CEP72: variants seen among roughly 807,000 people sequenced by gnomAD.
CEP72 encodes centrosomal protein 72.
In CEP72, 78 loss-of-function variants were observed where a neutral mutation model predicts 65.7. The observed-to-expected ratio is 1.19, with a 90% CI of 0.99 to 1.43. CEP72 has a LOEUF of 1.43. Among genes scored for constraint, CEP72 ranks in the 40% most tolerant of loss-of-function variants. CEP72 has a pLI of 0.00. For synonymous variants in CEP72, 358 were observed against 351.7 expected, an observed-to-expected ratio of 1.02 and a Z score of -0.20; for missense variants, 914 against 832.9, an observed-to-expected ratio of 1.10 and a Z score of -1.20.
chr5:651,936 C>G (rs1231834828), intron 11 of CEP72, among the ~76,000 whole-genome samples: 1 of 152,074 alleles, frequency 6.6e-6, no homozygotes, highest in Admixed American at 6.6e-5. Context: ...TGGTCATAGG[C>G]GTAGCCAGGC....
intron 1 of CEP72, among the ~76,000 whole-genome samples, chr5:617,923 T>C (rs751519819): frequency 2.0e-4 from 30 of 152,242 alleles, no homozygotes; most frequent in Non-Finnish European, 4.0e-4. Context: ...CAGGAAAGTA[T>C]TGATGTATTC....
At chr5:652,910 G>A (rs1226337303) in intron 11 of CEP72, 78 bp from the exon 12 acceptor site, 3 of 1,432,844 alleles carry the variant, frequency 2.1e-6, no homozygotes, top group Non-Finnish European at 2.8e-6. Context: ...GCAGGGAGGT[G>A]GGCAGGCCCA....
At chr5:637,399 CGT>C (rs1266395423) in intron 6 of CEP72, 116 bp from the exon 7 acceptor site, 1 of 800,886 alleles carries the variant, frequency 1.2e-6, no homozygotes, top group Non-Finnish European at 2.1e-6. Context: ...TGTAAGTGTG[CGT>C]GTGTGTCCAT....
rs1454666163 is a variant in CEP72 at position 637,528 on chromosome 5, A to G, written c.916A>G (p.Thr306Ala). The change falls in exon 7 of 12, where the codon ACC (threonine) becomes GCC (alanine). Residue 306 changes from threonine (T) to alanine (A), a missense_variant. Coordinates refer to ENST00000264935, the MANE Select transcript of CEP72 (RefSeq NM_018140.4). The stretch of plus-strand genomic sequence containing the variant: ...TCTCTATATCTCAGACTCCATGGAT[A>G]CCGAGGACTCGGCCTCTTCTCAGAA... ...YFTPHPDSMD[T>A]EDSASSQKLD... 2.5e-6 allele frequency: 4 copies of G among 1,613,128 alleles called. No individual in the cohort carries two copies. The Admixed American group carries it at 5.0e-5, about 20-fold the overall frequency.
intron 4 of CEP72, among the ~76,000 whole-genome samples, chr5:629,057 C>T (rs1312071134): frequency 6.6e-6 from 1 of 152,244 alleles, no homozygotes; most frequent in African/African-American, 2.4e-5. Flanking sequence ...CTCGGGTGGA[C>T]CAGGTGTCGT....
rs752636516 is a variant in CEP72 at position 625,099 on chromosome 5, G to A, written c.512+520G>A. Among the ~76,000 whole-genome samples, 16 of 152,164 alleles carry A rather than the reference G, an allele frequency of 1.1e-4. No homozygotes were observed. In the East Asian group the frequency reaches 1.7e-3, roughly 17 times the overall value. On this transcript the variant is annotated intron_variant, in intron 4 of 11. Transcript: ENST00000264935. The stretch of plus-strand genomic sequence containing the variant: ...GAGGCCACCTTCGGAGACCGTGGGC[G>A]TGTGTGTGAGCCGGGCCTGCTTCCC...
rs549913665 is a variant in CEP72, at chr5:638,566, G to C, written c.1207-523G>C. Among the ~76,000 whole-genome samples, 5 of 152,154 alleles carry C rather than the reference G, an allele frequency of 3.3e-5. No individual in the cohort carries two copies. The East Asian group carries it at 5.9e-4, about 18-fold the overall frequency. ...GCAGCTCCGTAGCAGCATGGGGTGG[G>C]GGGGGGTCCCAGAGCTGGGTGGGGC... On this transcript the variant is annotated intron_variant, in intron 7 of 11. Transcript: ENST00000264935.
chr5:665,056 C>T (rs894164938), intron 2 of CEP72: 2 of 1,578,210 alleles, frequency 1.3e-6, no homozygotes, highest in African/African-American at 1.3e-5. Context: ...GTGACAGAGT[C>T]CCTGCTCTGG....
chr5:650,373 GCGTGGAC>G (rs1390424422), intron 11 of CEP72, among the ~76,000 whole-genome samples: 37 of 109,614 alleles, frequency 3.4e-4, no homozygotes, highest in Non-Finnish European at 5.0e-4. Context: ...TGACTGTGAG[GCGTGGAC>G]TGTGAGGTGT....
intron 7 of CEP72, 65 bp downstream of exon 7, chr5:637,883 C>T: frequency 1.4e-6 from 2 of 1,410,906 alleles, no homozygotes; most frequent in South Asian, 1.5e-5. Flanking sequence ...GCTGTTACGG[C>T]TTTGGCGGGG....
At chr5:640,903 CTT>C (rs1737971452) in intron 9 of CEP72, 1 of 985,364 alleles carries the variant, frequency 1.0e-6, no homozygotes, top group African/African-American at 1.7e-5. Flanking sequence ...CTGGACGTGA[CTT>C]TGTCTTGCTG....
intron 1 of CEP72, among the ~76,000 whole-genome samples, chr5:613,219 T>G (rs1337614488): frequency 1.3e-5 from 2 of 152,302 alleles, no homozygotes; most frequent in South Asian, 2.1e-4. Context: ...GGTCTGCAGG[T>G]GTTACTGGAC....
In CEP72 at chr5:644,406, G is replaced by T; in HGVS notation, c.1647G>T (p.Thr549=). Reference sequence around the variant, plus strand: ...TGAAGAGTGCAGACACTGCAGCCACGTTAAATTTGCAGATCGCTGGTAAGT... The same window carrying T: ...TGAAGAGTGCAGACACTGCAGCCACTTTAAATTTGCAGATCGCTGGTAAGT... ...KEVKSADTAA[T]LNLQIAGLQT... is the part of the protein sequence containing the mutation. The change falls in exon 10 of 12, where the codon ACG becomes ACT. Residue 549 remains threonine (T), a synonymous_variant. Coordinates refer to ENST00000264935, the MANE Select transcript of CEP72 (RefSeq NM_018140.4). 1 of 1,613,830 alleles carries T rather than the reference G, an allele frequency of 6.2e-7. No individual in the cohort carries two copies.
rs769591661 is a variant in CEP72 at position 620,076 on chromosome 5, A to AAT, written c.218_219insAT (p.Tyr74CysfsTer3). 162 of 1,599,396 alleles carry AAT rather than the reference A, an allele frequency of 1.0e-4. No individual in the cohort carries two copies. The East Asian group carries it at 1.1e-3, about 11-fold the overall frequency. ...TGTGTTTTCTGTTGACAGGGCATTCAGTACCTGACTGCATTGGAGAGTCTC... is the reference window on the plus strand; with the variant it reads ...TGTGTTTTCTGTTGACAGGGCATTCAATGTACCTGACTGCATTGGAGAGTCTC... On this transcript the variant is annotated frameshift_variant, in exon 3 of 12. Coordinates refer to ENST00000264935, the MANE Select transcript of CEP72 (RefSeq NM_018140.4). LOFTEE classifies it high-confidence loss of function.
At chr5:648,083 C>T (rs545359685) in intron 11 of CEP72, among the ~76,000 whole-genome samples, 167 bp downstream of exon 11, 15 of 152,396 alleles carry the variant, frequency 9.8e-5, no homozygotes, top group African/African-American at 3.1e-4. Context: ...CATAAACTTT[C>T]CTCTCTGAAA....
intron 4 of CEP72, among the ~76,000 whole-genome samples, chr5:626,698 G>A (rs762755016): frequency 6.6e-5 from 10 of 151,996 alleles, no homozygotes; most frequent in African/African-American, 2.2e-4. Flanking sequence ...ATGGTGGTGC[G>A]TGCCTGTAGT....
downstream of CEP72, among the ~76,000 whole-genome samples, chr5:658,645 ATTTTTTTTTTTTTTTTTTTTTTTTTTTT>A (rs70955278): frequency 8.6e-3 from 484 of 55,988 alleles, 3 homozygotes; most frequent in African/African-American, 0.028. Flanking sequence ...AGCAAAGCTG[ATTTTTTTTTTTTTTTTTTTTTTTTTTTT>A]TTTTTTTTTT....
At chr5:648,747 G>C (rs1408823125) in intron 11 of CEP72, among the ~76,000 whole-genome samples, 1 of 132,566 alleles carries the variant, frequency 7.5e-6, no homozygotes, top group Admixed American at 7.4e-5. Flanking sequence ...TGACTGTGAG[G>C]TGTGGACTGT....
intron 9 of CEP72, chr5:643,421 G>A (rs1738191967): frequency 1.0e-6 from 1 of 985,466 alleles, no homozygotes; most frequent in South Asian, 4.7e-5. Context: ...AAGCCTGAGG[G>A]GAATGGTCTC....
Sources: allele counts gnomAD v4.1 joint callset (sites outside exome capture counted in the v4.1 genomes callset), GRCh38; gene constraint gnomAD v4.1.1; transcripts MANE v1.5; gene names NCBI Gene and HGNC (gene_info 2026-07-23, HGNC 2026-07-21).